CLVS1: variants seen among roughly 807,000 people sequenced by gnomAD.
CLVS1 encodes the protein clavesin 1.
In CLVS1, 10 loss-of-function variants were observed where a neutral mutation model predicts 33.1. The ratio of observed to expected loss-of-function variants is 0.30; its 90% CI spans 0.19 to 0.51. The LOEUF is 0.51. CLVS1 is among the 20% of genes least tolerant of loss of function. The pLI is 0.97. For missense variants in CLVS1, 343 were observed against 433.4 expected, an observed-to-expected ratio of 0.79 and a Z score of 1.85; for synonymous variants, 163 against 166.1, an observed-to-expected ratio of 0.98 and a Z score of 0.14.
intron 2 of CLVS1, among the ~76,000 whole-genome samples, chr8:61,151,034 T>A (rs10504315): frequency 0.017 from 2,643 of 152,284 alleles, 33 homozygotes; most frequent in African/African-American, 0.027. Context: ...CAGACTATGT[T>A]TGAGCAGTTT....
At chr8:61,276,476 C>T (rs1189443384) in intron 2 of CLVS1, among the ~76,000 whole-genome samples, 2 of 152,198 alleles carry the variant, frequency 1.3e-5, no homozygotes, top group African/African-American at 2.4e-5. Flanking sequence ...CTTCTGGCAA[C>T]ATTCTCTTGT....
chr8:61,017,043 G>A, the CLVS1 span, among the ~76,000 whole-genome samples: 4 of 152,316 alleles, frequency 2.6e-5, no homozygotes, highest in East Asian at 1.9e-4. Flanking sequence ...GATGGCAGCC[G>A]GTAAGGTACC....
intron 2 of CLVS1, among the ~76,000 whole-genome samples, chr8:61,259,058 A>T (rs72657032): frequency 6.6e-6 from 1 of 152,372 alleles, no homozygotes; most frequent in Non-Finnish European, 1.5e-5. Flanking sequence ...TGGTCAAACT[A>T]CCACAGTATT....
At chr8:61,038,981 G>C in the CLVS1 span, among the ~76,000 whole-genome samples, 1 of 151,984 alleles carries the variant, frequency 6.6e-6, no homozygotes, top group Admixed American at 6.5e-5. Context: ...TGATCCCTTA[G>C]GATATGAAAA....
intron 3 of CLVS1, among the ~76,000 whole-genome samples, chr8:61,417,561 C>T (rs1815488168): frequency 6.6e-6 from 1 of 152,172 alleles, no homozygotes; most frequent in Non-Finnish European, 1.5e-5. Context: ...AATCACTCCT[C>T]TTTTCAAAGA....
At chr8:61,223,644 T>G (rs182327181) in intron 2 of CLVS1, among the ~76,000 whole-genome samples, 3 of 152,290 alleles carry the variant, frequency 2.0e-5, no homozygotes, top group African/African-American at 7.2e-5. Context: ...GAGAATCTGA[T>G]GATTATGTGT....
chr8:61,370,247 G>T (rs1311723702), intron 2 of CLVS1: 1 of 152,094 alleles, frequency 6.6e-6, no homozygotes, highest in Non-Finnish European at 1.5e-5. Context: ...TGGGGGAACA[G>T]GTGGTGTTCG....
At chr8:61,032,268 G>A in the CLVS1 span, among the ~76,000 whole-genome samples, 1 of 152,324 alleles carries the variant, frequency 6.6e-6, no homozygotes, top group African/African-American at 2.4e-5. Flanking sequence ...TGGGGCTTCA[G>A]AGCTGAGTCT....
intron 5 of CLVS1, among the ~76,000 whole-genome samples, chr8:61,495,347 T>C (rs529153783): frequency 6.6e-6 from 1 of 152,310 alleles, no homozygotes; most frequent in Admixed American, 6.5e-5. Context: ...ATAAAGGTTT[T>C]GGCACATTGC....
At chr8:61,068,267 ACAC>A (rs1482130050) in intron 1 of CLVS1, among the ~76,000 whole-genome samples, 1 of 148,918 alleles carries the variant, frequency 6.7e-6, no homozygotes, top group African/African-American at 2.5e-5. Context: ...ATACATACAT[ACAC>A]ATACACATAT....
At chr8:61,011,440 CTTTA>C in the CLVS1 span, among the ~76,000 whole-genome samples, 1 of 151,864 alleles carries the variant, frequency 6.6e-6, no homozygotes, top group Non-Finnish European at 1.5e-5. Flanking sequence ...TGCATCATGT[CTTTA>C]TTTATTTATT....
At chr8:61,487,945 A>C (rs140012685) in intron 5 of CLVS1, among the ~76,000 whole-genome samples, 126 of 152,286 alleles carry the variant, frequency 8.3e-4, no homozygotes, top group Admixed American at 1.4e-3. Context: ...TGTTCTACCA[A>C]AGTAACTGCA....
chr8:61,495,302 T>C (rs1387593770), intron 5 of CLVS1, among the ~76,000 whole-genome samples: 1 of 152,234 alleles, frequency 6.6e-6, no homozygotes, highest in Non-Finnish European at 1.5e-5. Flanking sequence ...TGTGGGTCTA[T>C]GGCTGGATAA....
intron 5 of CLVS1, among the ~76,000 whole-genome samples, chr8:61,466,912 G>A (rs1167240115): frequency 6.6e-6 from 1 of 152,152 alleles, no homozygotes; most frequent in Non-Finnish European, 1.5e-5. Context: ...GCCTCCTAAA[G>A]TGCTGGGATT....
chr8:61,390,139 A>G (rs915542556), intron 3 of CLVS1, among the ~76,000 whole-genome samples: 13 of 152,178 alleles, frequency 8.5e-5, no homozygotes, highest in Admixed American at 5.9e-4. Context: ...TTTCCTTTAA[A>G]TACTGCTAAT....
chr8:61,215,897 G>A (rs554251252), intron 2 of CLVS1, among the ~76,000 whole-genome samples: 2 of 152,200 alleles, frequency 1.3e-5, no homozygotes, highest in South Asian at 4.1e-4. Flanking sequence ...CCGCCCCTGG[G>A]TCATTCCACC....
At chr8:61,307,896 T>C (rs1360911543) in intron 2 of CLVS1, among the ~76,000 whole-genome samples, 2 of 152,180 alleles carry the variant, frequency 1.3e-5, no homozygotes, top group East Asian at 1.9e-4. Context: ...CATATCCATG[T>C]GTACATATTA....
Position 61,376,635 on chromosome 8 carries a change from C to T in CLVS1, c.486C>T (p.Ile162=), listed in dbSNP as rs1047653172. The T allele has an allele frequency of 1.2e-6, 2 of 1,613,954 alleles. No homozygotes were observed. The highest frequency in any genetic ancestry group is 1.7e-6 in the Non-Finnish European group (2 of 1,179,952). ...RNSFTDILRA[I]LLSLEVLIED... The stretch of plus-strand genomic sequence containing the variant: ...CCTTCACAGACATCCTTCGTGCCAT[C>T]CTGCTGTCATTGGAAGTCCTAATCG... The change falls in exon 3 of 6, where the codon ATC becomes ATT. Residue 162 remains isoleucine (I), a synonymous_variant. Transcript: ENST00000325897.
chr8:61,102,166 A>T (rs1805462818), intron 1 of CLVS1, among the ~76,000 whole-genome samples: 1 of 152,168 alleles, frequency 6.6e-6, no homozygotes, highest in South Asian at 2.1e-4. Context: ...AGATTGCGTT[A>T]AATCTGTAGA....
Sources: allele counts gnomAD v4.1 joint callset (sites outside exome capture counted in the v4.1 genomes callset), GRCh38; gene constraint gnomAD v4.1.1; transcripts MANE v1.5; gene names NCBI Gene and HGNC (gene_info 2026-07-23, HGNC 2026-07-21).